The following LARGE1 variants were observed in gnomAD, a reference collection of about 807,000 sequenced individuals.
The protein encoded by LARGE1 is xylosyl- and glucuronyltransferase LARGE1.
Under a neutral mutation model 87.6 loss-of-function variants are expected in LARGE1, and 43 were observed. The ratio of observed to expected loss-of-function variants is 0.49; its 90% CI spans 0.38 to 0.63. The LOEUF (loss-of-function observed/expected upper bound fraction) is 0.63, where lower values mean the gene tolerates loss of function less well. Ranked by LOEUF, LARGE1 falls within the 30% of genes least tolerant of loss-of-function variation. The pLI, the probability that LARGE1 is intolerant of heterozygous loss-of-function variation, is 0.00. For synonymous variants in LARGE1, 434 were observed against 394.6 expected, an observed-to-expected ratio of 1.10 and a Z score of -1.18; for missense variants, 802 against 1,000.2, an observed-to-expected ratio of 0.80 and a Z score of 2.67.
intron 1 of LARGE1, among the ~76,000 whole-genome samples, chr22:33,846,820 T>G (rs2146467043): frequency 6.6e-6 from 1 of 152,292 alleles, no homozygotes; most frequent in East Asian, 1.9e-4. Flanking sequence ...CTAATAAATT[T>G]TGGTCAGACC....
At chr22:33,069,722 A>G in the LARGE1 span, among the ~76,000 whole-genome samples, 32 of 152,164 alleles carry the variant, frequency 2.1e-4, no homozygotes, top group Non-Finnish European at 4.4e-4. Context: ...CATTGTATGT[A>G]CTAGGCACTG....
chr22:33,162,600 CT>C (rs1569443635), exon 12 of LARGE1: 1 of 152,188 alleles, frequency 6.6e-6, no homozygotes, highest in Non-Finnish European at 1.5e-5. Context: ...TCAGGATCAA[CT>C]TTGCTGGCAA....
chr22:33,156,232 A>G, the LARGE1 span, among the ~76,000 whole-genome samples: 2 of 152,192 alleles, frequency 1.3e-5, no homozygotes, highest in Non-Finnish European at 2.9e-5. Context: ...AGCATCCTCC[A>G]GATCCCAGAA....
chr22:33,262,779 TCCTTC>T lies in LARGE1; in HGVS notation c.1730+41445_1730+41449del, dbSNP rs546493478. Among the ~76,000 whole-genome samples the T allele has an allele frequency of 3.6e-3, 536 of 149,776 alleles. 15 individuals are homozygous for T. In the South Asian group the frequency reaches 0.051, roughly 14 times the overall value. ...CTTCCTTCCCTTCCCTTTCCTTCCT[TCCTTC>T]CCTTCCCTTTCCTTCCTTCCTTCCT... On this transcript the variant is annotated intron_variant, in intron 11 of 11. Transcript: ENST00000608642.
rs540350889 is a variant in LARGE1 at position 33,540,620 on chromosome 22, C to A, written c.787+24228G>T. On this transcript the variant is annotated intron_variant, in intron 6 of 14. Transcript: ENST00000397394. ...CAGTAGCCAGCAGATCCTGGGATAG[C>A]AACCTTAGGGCAGTGAATCTCAACC... 5.9e-5 allele frequency among the ~76,000 whole-genome samples: 9 copies of A among 152,302 alleles called. No homozygotes were observed. In the East Asian group the frequency reaches 1.7e-3, roughly 30 times the overall value.
chr22:33,576,254 T>C (rs1233162517), intron 5 of LARGE1, among the ~76,000 whole-genome samples: 2 of 152,236 alleles, frequency 1.3e-5, no homozygotes, highest in African/African-American at 4.8e-5. Context: ...AAAACACTTA[T>C]TGAGAACCAT....
At chr22:33,552,974 C>T (rs971162987) in intron 6 of LARGE1, among the ~76,000 whole-genome samples, 2 of 152,226 alleles carry the variant, frequency 1.3e-5, no homozygotes, top group African/African-American at 2.4e-5. Context: ...AATCATCCCA[C>T]TCTACAGCCT....
At chr22:33,222,939 C>A (rs560806337) in intron 11 of LARGE1, among the ~76,000 whole-genome samples, 5 of 152,172 alleles carry the variant, frequency 3.3e-5, no homozygotes, top group South Asian at 2.1e-4. Context: ...CAGGCCCCCC[C>A]AGTCTCCCCT....
chr22:33,092,187 C>T, the LARGE1 span, among the ~76,000 whole-genome samples: 4 of 152,066 alleles, frequency 2.6e-5, no homozygotes, highest in Admixed American at 1.3e-4. Context: ...CGTGAGCCAC[C>T]GTGCATGGCC....
At chr22:33,884,948 G>A (rs547359976) in intron 1 of LARGE1, among the ~76,000 whole-genome samples, 1 of 152,318 alleles carries the variant, frequency 6.6e-6, no homozygotes, top group East Asian at 1.9e-4. Flanking sequence ...TTTCCATGGG[G>A]GGGAGGAATT....
chr22:33,409,800 G>A (rs2066241426), intron 7 of LARGE1, among the ~76,000 whole-genome samples: 1 of 149,796 alleles, frequency 6.7e-6, no homozygotes, highest in African/African-American at 2.5e-5. Flanking sequence ...GGCAGAGGTT[G>A]CAGTGAGCCA....
At chr22:33,710,518 A>C (rs12159427) in intron 2 of LARGE1, among the ~76,000 whole-genome samples, 115 of 152,202 alleles carry the variant, frequency 7.6e-4, no homozygotes, top group Non-Finnish European at 1.4e-3. Context: ...TGGCTGGCTG[A>C]AGAAAGGAGA....
intron 1 of LARGE1, among the ~76,000 whole-genome samples, chr22:33,899,224 T>A (rs1405311437): frequency 6.6e-6 from 1 of 152,122 alleles, no homozygotes; most frequent in Non-Finnish European, 1.5e-5. Flanking sequence ...GGCACTGACA[T>A]CAAACCCGCC....
At position 33,604,497 on chromosome 22, in the gene LARGE1, GC is replaced by G. The variant is rs1258943614; in HGVS notation, c.552del (p.Leu185SerfsTer38). The G allele has an allele frequency of 6.2e-7, 1 of 1,614,140 alleles. No homozygotes were observed. The highest frequency in any genetic ancestry group is 1.7e-5 in the Admixed American group (1 of 60,022). On this transcript the variant is annotated frameshift_variant, in exon 5 of 15. Coordinates refer to ENST00000397394, the MANE Select transcript of LARGE1 (RefSeq NM_133642.5). LOFTEE classifies it high-confidence loss of function. Reference protein sequence around the residue: ...ADSIAEQILATLFQTWMVPAV... With the variant: ...ADSIAEQILAXLFQTWMVPAV... ...GCGGGCACCATCCAGGTCTGGAAGA[GC>G]GTGGCCAGGATCTGCTCCGCAATGG...
intron 6 of LARGE1, among the ~76,000 whole-genome samples, chr22:33,558,612 C>T (rs1372975220): frequency 6.6e-6 from 1 of 152,124 alleles, no homozygotes; most frequent in Non-Finnish European, 1.5e-5. Flanking sequence ...AGCTTGGTCT[C>T]TTTTTTGCTA....
the LARGE1 span, among the ~76,000 whole-genome samples, chr22:33,104,829 A>T: frequency 6.6e-6 from 1 of 152,194 alleles, no homozygotes; most frequent in African/African-American, 2.4e-5. Flanking sequence ...CAAAAAGGTG[A>T]ATCTCGAGCC....
chr22:33,199,196 CTGTT>C (rs1487231532), intron 11 of LARGE1, among the ~76,000 whole-genome samples: 3 of 105,920 alleles, frequency 2.8e-5, no homozygotes, highest in African/African-American at 5.0e-5. Flanking sequence ...TTTAATAGCG[CTGTT>C]TGAGGTTTTT....
chr22:33,480,818 G>A (rs889046941), intron 6 of LARGE1, among the ~76,000 whole-genome samples: 2 of 151,972 alleles, frequency 1.3e-5, no homozygotes, highest in South Asian at 2.1e-4. Flanking sequence ...ACAGGATAAC[G>A]GTAGAATTAC....
intron 11 of LARGE1, among the ~76,000 whole-genome samples, chr22:33,209,939 A>T (rs962915883): frequency 6.6e-6 from 1 of 152,178 alleles, no homozygotes; most frequent in East Asian, 1.9e-4. Context: ...ATGAGCCACC[A>T]CGCCCGGCTG....
Sources: gnomAD v4.1 joint callset for allele counts (sites outside exome capture counted in the v4.1 genomes callset) on GRCh38, gnomAD v4.1.1 for gene constraint, MANE v1.5 for transcripts, NCBI Gene and HGNC (gene_info 2026-07-23, HGNC 2026-07-21) for gene names.